OTUD7A: variants seen among roughly 807,000 people sequenced by gnomAD.
OTUD7A encodes the protein OTU domain-containing protein 7A.
A neutral mutation model predicts 65.7 loss-of-function variants in OTUD7A; 12 were observed. The observed-to-expected ratio is 0.18, with a 90% CI of 0.12 to 0.30. The LOEUF (loss-of-function observed/expected upper bound fraction) is 0.30, where lower values mean the gene tolerates loss of function less well. Among genes scored for constraint, OTUD7A ranks in the 10% least tolerant of loss-of-function variants. The probability of loss-of-function intolerance (pLI) is 1.00; values close to 1 mark genes in which losing one functional copy is unlikely to be tolerated. For missense variants in OTUD7A, 1,148 were observed against 1,304.8 expected (o/e 0.88, Z 1.85); for synonymous variants, 641 against 586.3 (o/e 1.09, Z -1.35).
rs536253518 is a variant in OTUD7A at position 31,814,996 on chromosome 15, A to C, written c.-100+55511T>G. Among the ~76,000 whole-genome samples the C allele has an allele frequency of 3.4e-4, 52 of 152,152 alleles. 2 individuals carry two copies. The East Asian group carries it at 0.01, about 29-fold the overall frequency. ...TAGGGCAGAGTCCTGAAGCTCCCAC[A>C]TTGTCCCTGCCATGTTCCCTGACTC... On this transcript the variant is annotated intron_variant, in intron 1 of 12. Coordinates refer to ENST00000307050, the MANE Select transcript of OTUD7A (RefSeq NM_001382637.1).
chr15:31,750,144 A>G (rs2338837), intron 1 of OTUD7A, among the ~76,000 whole-genome samples: 104,765 of 152,014 alleles, frequency 0.69, 36,659 homozygotes, highest in South Asian at 0.8. Flanking sequence ...ATGGTGGCTC[A>G]CGCCTGTAAT....
intron 12 of OTUD7A, among the ~76,000 whole-genome samples, chr15:31,485,763 G>A (rs980785894): frequency 6.6e-6 from 1 of 152,200 alleles, no homozygotes; most frequent in African/African-American, 2.4e-5. Context: ...TCCAGGGGAT[G>A]AGCCTGGGAG....
At position 31,487,516 on chromosome 15, in the gene OTUD7A, C is replaced by A. The variant is rs769238713; in HGVS notation, c.1222G>T (p.Ala408Ser). ...SEHKLLPLHF[A>S]VDPGKDWEWG... ...TCCCAGTCCTTGCCAGGGTCCACTG[C>A]AAAGTGCAGAGGCAGCAGCTTGTGC... Residue 408 changes from alanine to serine, a missense_variant, in exon 11 of 13, where the codon GCA becomes TCA. By Grantham distance (99) the Ala-to-Ser change is moderately conservative (BLOSUM62 1). Coordinates refer to ENST00000307050, the MANE Select transcript of OTUD7A (RefSeq NM_001382637.1). This position sits in a 1 kb window ranked among gnomAD's most constrained non-coding sequence, Gnocchi z 6.0. 12 of 1,614,078 alleles carry A rather than the reference C, an allele frequency of 7.4e-6. No homozygotes were observed. In the Admixed American group the frequency reaches 2.0e-4, roughly 27 times the overall value.
chr15:31,768,175 C>T lies in OTUD7A; in HGVS notation c.-100+102332G>A, dbSNP rs373734583. 8.2e-5 allele frequency: 117 copies of T among 1,428,918 alleles called. 2 individuals carry two copies. The East Asian group carries it at 2.3e-3, about 29-fold the overall frequency. 88.5% of individuals were successfully genotyped at this position (1,428,918 alleles called of 1,614,324 possible). A position where few individuals can be genotyped will look rare whatever the true frequency, so the allele number is the denominator to read the frequency against. Reference sequence around the variant, plus strand: ...TCCACAGCTTGGTGGCCCGATAAGGCCCGGGAGGCACAACCCGACTCTCCA... The same window carrying T: ...TCCACAGCTTGGTGGCCCGATAAGGTCCGGGAGGCACAACCCGACTCTCCA... On this transcript the variant is annotated intron_variant, in intron 1 of 12. Transcript: ENST00000307050.
At chr15:31,571,698 A>T (rs1440682292) in intron 3 of OTUD7A, among the ~76,000 whole-genome samples, 1 of 152,200 alleles carries the variant, frequency 6.6e-6, no homozygotes, top group Non-Finnish European at 1.5e-5. Flanking sequence ...CTCATTAATT[A>T]TAGGTTTCTG....
chr15:31,619,925 T>C (rs1367521208), intron 3 of OTUD7A, among the ~76,000 whole-genome samples: 1 of 152,222 alleles, frequency 6.6e-6, no homozygotes, highest in Admixed American at 6.5e-5. Flanking sequence ...GCTCTTATTA[T>C]TTCGAGATAT....
intron 1 of OTUD7A, among the ~76,000 whole-genome samples, chr15:31,785,363 T>C (rs1018299363): frequency 1.3e-5 from 2 of 152,370 alleles, no homozygotes; most frequent in Admixed American, 6.5e-5. Flanking sequence ...GATATTTTTA[T>C]TTGAAACATG....
At chr15:31,537,220 A>C (rs918847619) in intron 5 of OTUD7A, among the ~76,000 whole-genome samples, 45 of 152,198 alleles carry the variant, frequency 3.0e-4, no homozygotes, top group African/African-American at 1.1e-3. Context: ...TAATATAAAA[A>C]AACTTCTTGG....
At chr15:31,857,234 A>G (rs1198686399) in intron 1 of OTUD7A, among the ~76,000 whole-genome samples, 1 of 152,198 alleles carries the variant, frequency 6.6e-6, no homozygotes, top group Non-Finnish European at 1.5e-5. Flanking sequence ...GGGCTAGGAA[A>G]ATAGCCAACG....
chr15:31,815,626 C>G (rs1319593220), intron 1 of OTUD7A, among the ~76,000 whole-genome samples: 1 of 152,208 alleles, frequency 6.6e-6, no homozygotes, highest in African/African-American at 2.4e-5. Flanking sequence ...ATCCTCTGGT[C>G]TATGGTTGGG....
At chr15:31,811,270 G>C (rs1896407344) in intron 1 of OTUD7A, among the ~76,000 whole-genome samples, 1 of 152,056 alleles carries the variant, frequency 6.6e-6, no homozygotes. Flanking sequence ...TTTAGGAAAT[G>C]AATTATTGAG....
chr15:31,778,470 T>C (rs550277988), intron 1 of OTUD7A, among the ~76,000 whole-genome samples: 1 of 152,276 alleles, frequency 6.6e-6, no homozygotes, highest in Admixed American at 6.5e-5. Context: ...CCTAACGAAA[T>C]AGCACATGCT....
intron 5 of OTUD7A, among the ~76,000 whole-genome samples, chr15:31,548,722 C>T (rs1026875916): frequency 6.6e-6 from 1 of 152,106 alleles, no homozygotes; most frequent in Non-Finnish European, 1.5e-5. Flanking sequence ...GCCATAGTGC[C>T]CACCCCATCC....
intron 3 of OTUD7A, among the ~76,000 whole-genome samples, chr15:31,587,633 C>A (rs1889586958): frequency 7.3e-6 from 1 of 136,886 alleles, no homozygotes; most frequent in Admixed American, 7.1e-5. Flanking sequence ...GACTGAGACT[C>A]CATTTCAAAA....
intron 1 of OTUD7A, among the ~76,000 whole-genome samples, chr15:31,684,548 A>G (rs1014479192): frequency 1.3e-5 from 2 of 151,378 alleles, no homozygotes; most frequent in Non-Finnish European, 2.9e-5. Context: ...GAAGGCTCAA[A>G]TGAGGAAGCA....
At chr15:31,804,094 C>T (rs1407769623) in intron 1 of OTUD7A, among the ~76,000 whole-genome samples, 2 of 152,202 alleles carry the variant, frequency 1.3e-5, no homozygotes, top group African/African-American at 2.4e-5. Context: ...TTAATCATTA[C>T]ACAGTCCTCA....
At chr15:31,503,156 G>A (rs901278895) in intron 9 of OTUD7A, among the ~76,000 whole-genome samples, 3 of 152,188 alleles carry the variant, frequency 2.0e-5, no homozygotes, top group Admixed American at 2.0e-4. Context: ...AGGGCTGAAT[G>A]GAGGAACATT....
At chr15:31,486,669 C>T (rs903514983) in intron 12 of OTUD7A, among the ~76,000 whole-genome samples, 2 of 152,226 alleles carry the variant, frequency 1.3e-5, no homozygotes, top group Non-Finnish European at 2.9e-5. Context: ...TTCCTGCCAG[C>T]TCCACCCACC....
At chr15:31,844,365 C>T (rs563668733) in intron 1 of OTUD7A, among the ~76,000 whole-genome samples, 1 of 152,304 alleles carries the variant, frequency 6.6e-6, no homozygotes, top group African/African-American at 2.4e-5. Context: ...ATTAGCCAGG[C>T]GCACGCCTGT....
Sources: gnomAD v4.1 joint callset for allele counts (sites outside exome capture counted in the v4.1 genomes callset) on GRCh38, gnomAD v4.1.1 for gene constraint, Gnocchi (gnomAD v3.1) non-coding constraint, MANE v1.5 for transcripts, NCBI Gene and HGNC (gene_info 2026-07-23, HGNC 2026-07-21) for gene names.